STX6: variants seen among roughly 807,000 people sequenced by gnomAD.
STX6 encodes the protein syntaxin-6.
A neutral mutation model predicts 38.0 loss-of-function variants in STX6; 23 were observed. The ratio of observed to expected loss-of-function variants is 0.60; its 90% confidence interval spans 0.43 to 0.86. The LOEUF is 0.86. Ranked by LOEUF, STX6 falls within the 40% of genes least tolerant of loss-of-function variation. The pLI is 0.00. For synonymous variants in STX6, 123 were observed against 107.5 expected, an observed-to-expected ratio of 1.14 and a Z score of -0.89; for missense variants, 274 against 312.9, an observed-to-expected ratio of 0.88 and a Z score of 0.94.
At chr1:181,007,045 C>T (rs1656244258) in intron 1 of STX6, among the ~76,000 whole-genome samples, 1 of 152,138 alleles carries the variant, frequency 6.6e-6, no homozygotes, top group East Asian at 1.9e-4. Context: ...ACTTTCTTTA[C>T]TCTTTATGGG....
chr1:181,001,640 C>T (rs150255033), intron 3 of STX6, among the ~76,000 whole-genome samples: 1 of 152,184 alleles, frequency 6.6e-6, no homozygotes, highest in African/African-American at 2.4e-5. Flanking sequence ...GCTATCCAAA[C>T]CCACTAAGAG....
At chr1:181,006,536 A>T (rs1656228953) in intron 1 of STX6, among the ~76,000 whole-genome samples, 1 of 151,970 alleles carries the variant, frequency 6.6e-6, no homozygotes, top group Admixed American at 6.6e-5. Flanking sequence ...AAAGCCAAAA[A>T]GGAGTCATTT....
chr1:181,010,691 T>C (rs190166509), intron 1 of STX6, among the ~76,000 whole-genome samples: 1 of 152,264 alleles, frequency 6.6e-6, no homozygotes, highest in Non-Finnish European at 1.5e-5. Flanking sequence ...ACAGAAAGCA[T>C]GGCACGACAC....
At chr1:180,990,869 T>A (rs889212609) in intron 4 of STX6, among the ~76,000 whole-genome samples, 2 of 152,174 alleles carry the variant, frequency 1.3e-5, no homozygotes, top group Non-Finnish European at 2.9e-5. Flanking sequence ...CTTCCTCACA[T>A]GAAGAAGACA....
At chr1:180,995,754 C>T (rs1213865504) in intron 3 of STX6, among the ~76,000 whole-genome samples, 2 of 152,142 alleles carry the variant, frequency 1.3e-5, no homozygotes, top group Non-Finnish European at 2.9e-5. Flanking sequence ...TAAAACAACA[C>T]ATTACTTGCA....
At chr1:180,989,924 G>A (rs1284420329) in intron 5 of STX6, 60 bp downstream of exon 5, 4 of 1,602,086 alleles carry the variant, frequency 2.5e-6, no homozygotes, top group Non-Finnish European at 3.4e-6. Context: ...GCTGGCAAAG[G>A]AACTAAGGGG....
At chr1:181,014,644 C>T (rs1217430520) in intron 1 of STX6, among the ~76,000 whole-genome samples, 1 of 152,150 alleles carries the variant, frequency 6.6e-6, no homozygotes, top group Non-Finnish European at 1.5e-5. Context: ...ACATCAGACT[C>T]CCACTCCTCA....
chr1:181,005,157 CAT>C (rs977785366), intron 2 of STX6, 135 bp downstream of exon 2: 25 of 1,466,828 alleles, frequency 1.7e-5, no homozygotes, highest in African/African-American at 8.5e-5. Flanking sequence ...ATACTTTAAA[CAT>C]GTCATGGTAC....
At chr1:181,003,624 T>C (rs574507063) in intron 2 of STX6, among the ~76,000 whole-genome samples, 2 of 152,310 alleles carry the variant, frequency 1.3e-5, no homozygotes, top group East Asian at 3.9e-4. Flanking sequence ...ACTCCATGTA[T>C]CAACTGCATA....
At chr1:181,005,490 G>A (rs1032905067) in intron 1 of STX6, 27 bp from the exon 2 acceptor site, 1 of 1,597,776 alleles carries the variant, frequency 6.3e-7, no homozygotes, top group African/African-American at 1.3e-5. Flanking sequence ...GCAAAGGAGA[G>A]AAATCACAGA....
chr1:181,001,432 C>A (rs538702023), intron 3 of STX6, among the ~76,000 whole-genome samples: 38 of 152,192 alleles, frequency 2.5e-4, no homozygotes, highest in African/African-American at 8.4e-4. Context: ...AATATTTTTT[C>A]TCAGATTCTT....
rs188574281 is a variant in STX6, at chr1:180,978,542, G to A, written c.692-1896C>T. On this transcript the variant is annotated intron_variant, in intron 7 of 7. Transcript: ENST00000258301. ...CCAGGAGCTTGACCAGGTTCTCAGC[G>A]AATATTGGGAAAAATCCCCTCATGC... is the stretch of plus-strand genomic sequence containing the variant. Among the ~76,000 whole-genome samples, 14 of 152,312 alleles carry A rather than the reference G, an allele frequency of 9.2e-5. No homozygotes were observed. In the East Asian group the frequency reaches 2.1e-3, roughly 23 times the overall value.
Position 180,974,868 on chromosome 1 carries a change from T to C in STX6, c.*1702A>G, listed in dbSNP as rs781654040. On this transcript the variant is annotated 3_prime_UTR_variant, in exon 8 of 8. Transcript: ENST00000258301. ...AGCGGAGTGTAAACATGGATGTCAA[T>C]CACCCTTTTAGTTTCATAAATTTGC... is the stretch of plus-strand genomic sequence containing the variant. The C allele has an allele frequency of 4.6e-5, 7 of 152,610 alleles. No individual in the cohort carries two copies. The highest frequency in any genetic ancestry group is 1.7e-4 in the African/African-American group (7 of 41,456). 9.5% of individuals were successfully genotyped at this position (152,610 alleles called of 1,614,324 possible). A position where few individuals can be genotyped will look rare whatever the true frequency, so the allele number is the denominator to read the frequency against.
At chr1:181,018,617 A>G (rs146975487) in intron 1 of STX6, among the ~76,000 whole-genome samples, 1 of 152,182 alleles carries the variant, frequency 6.6e-6, no homozygotes, top group East Asian at 1.9e-4. Flanking sequence ...CATAAGGATA[A>G]AAGAGCAATC....
chr1:181,012,667 CCA>C lies in STX6; in HGVS notation c.36-7206_36-7205del, dbSNP rs1451269226. 1.7e-3 allele frequency among the ~76,000 whole-genome samples: 204 copies of C among 119,262 alleles called. 5 individuals carry two copies. Among genetic ancestry groups the C allele is most frequent in the Non-Finnish European group, 2.2e-3 (118 of 53,182 alleles). The allele number at this position is 119,262 out of a possible 152,430, so 78.2% of individuals were successfully genotyped here. On this transcript the variant is annotated intron_variant, in intron 1 of 7. Transcript: ENST00000258301. ...AAGTCATCTGAGCATTCAGATTCTT[CCA>C]TTCTTTTTTTTTTTTTTTTTTTGAG...
rs1656193407 is a variant in STX6, at chr1:181,005,319, ATCCCACTCTATGC to A, written c.167_179del (p.Ser56IlefsTer2). 6.2e-7 allele frequency: 1 copy of A among 1,613,942 alleles called. No homozygotes were observed. ...TGATGGTTTCATCAAGGTCCTCTAG[ATCCCACTCTATGC>A]TCCGGAGGTTATTTCTCAGCTCGTT... On this transcript the variant is annotated frameshift_variant, in exon 2 of 8. Coordinates refer to ENST00000258301, the MANE Select transcript of STX6 (RefSeq NM_005819.6). LOFTEE classifies it high-confidence loss of function.
chr1:181,000,616 T>A (rs1005783768), intron 3 of STX6, among the ~76,000 whole-genome samples: 5 of 152,194 alleles, frequency 3.3e-5, no homozygotes, highest in Admixed American at 1.3e-4. Flanking sequence ...GGGAAACAGC[T>A]AAATCATATC....
intron 6 of STX6, among the ~76,000 whole-genome samples, chr1:180,987,503 C>T (rs945021146): frequency 4.6e-5 from 7 of 152,176 alleles, no homozygotes. Flanking sequence ...CCAGAAGGCC[C>T]GGTGTAGAAC....
Position 181,022,628 on chromosome 1 carries a change from C to G in STX6, c.35+11G>C. 1 of 1,608,498 alleles carries G rather than the reference C, an allele frequency of 6.2e-7. No homozygotes were observed. The highest frequency in any genetic ancestry group is 8.5e-7 in the Non-Finnish European group (1 of 1,177,630). Reference sequence around the variant, plus strand: ...CCTCTTCCTCCGGTGGAGCGCTCGGCCGACACTCACCCTTTCACCACAAAG... The same window carrying G: ...CCTCTTCCTCCGGTGGAGCGCTCGGGCGACACTCACCCTTTCACCACAAAG... On this transcript the variant is annotated intron_variant, in intron 1 of 7. Coordinates refer to ENST00000258301, the MANE Select transcript of STX6 (RefSeq NM_005819.6).
Sources: allele counts gnomAD v4.1 joint callset (sites outside exome capture counted in the v4.1 genomes callset), GRCh38; gene constraint gnomAD v4.1.1; transcripts MANE v1.5; gene names NCBI Gene and HGNC (gene_info 2026-07-23, HGNC 2026-07-21).